The following SENP6 variants were observed in gnomAD, a reference collection of about 807,000 sequenced individuals.
The protein encoded by SENP6 is SUMO specific peptidase 6.
In SENP6, 41 loss-of-function variants were observed where a neutral mutation model predicts 134.5. The ratio of observed to expected loss-of-function variants is 0.30; its 90% CI spans 0.24 to 0.40. The LOEUF (loss-of-function observed/expected upper bound fraction) is 0.40. SENP6 is among the 10% of genes least tolerant of loss of function. The probability of loss-of-function intolerance (pLI) is 1.00; values close to 1 mark genes in which losing one functional copy is unlikely to be tolerated. For synonymous variants in SENP6, 395 were observed against 429.8 expected (o/e 0.92, Z 1.00); for missense variants, 1,248 against 1,312.5 (o/e 0.95, Z 0.76).
chr6:75,706,205 T>C (rs1227348150), intron 19 of SENP6, among the ~76,000 whole-genome samples: 1 of 151,884 alleles, frequency 6.6e-6, no homozygotes, highest in Non-Finnish European at 1.5e-5. Flanking sequence ...TGGGTGGGAA[T>C]GTAGGAAGAG....
At chr6:75,669,963 C>T (rs766609420) in intron 10 of SENP6, among the ~76,000 whole-genome samples, 6 of 151,558 alleles carry the variant, frequency 4.0e-5, no homozygotes, top group African/African-American at 1.5e-4. Context: ...GAAGGAATTT[C>T]GATCTTGTTG....
chr6:75,614,929 C>T (rs1010169320), intron 1 of SENP6, among the ~76,000 whole-genome samples: 2 of 152,016 alleles, frequency 1.3e-5, no homozygotes, highest in Non-Finnish European at 2.9e-5. Context: ...ACTTTTTTAC[C>T]CAGGCTGGAG....
At chr6:75,703,154 T>TA (rs1351575768) in intron 19 of SENP6, 82 bp downstream of exon 19, 451 of 1,187,876 alleles carry the variant, frequency 3.8e-4, no homozygotes, top group East Asian at 1.5e-3. Context: ...GATCCTGTTT[T>TA]AAAAAAAAAT....
intron 7 of SENP6, among the ~76,000 whole-genome samples, chr6:75,648,628 A>G (rs181695629): frequency 1.4e-3 from 215 of 152,288 alleles, no homozygotes; most frequent in Non-Finnish European, 2.7e-3. Context: ...AACAGTCTTT[A>G]TAGATGTGAA....
chr6:75,640,689 T>C lies in SENP6; in HGVS notation c.464T>C (p.Leu155Pro). The change falls in exon 6 of 24, where the codon CTG becomes CCG. Residue 155 changes from leucine (L) to proline (P), a missense_variant. Leu to Pro is a moderately conservative substitution (Grantham distance 98, BLOSUM62 -3). This residue lies in a region of SENP6 where 733 missense variants were observed against 725.4 expected (regional missense o/e 1.01). Coordinates refer to ENST00000447266, the MANE Select transcript of SENP6 (RefSeq NM_015571.4). The stretch of plus-strand genomic sequence containing the variant: ...TTTCTTTTTCATGTTTTAAGCAGTC[T>C]GGACCGAAAAGAAAGGTAAGCTTAA... ...PVVKTAAQSS[L>P]DRKERKEYPP... 6.5e-7 allele frequency: 1 copy of C among 1,530,718 alleles called. No homozygotes were observed. Among genetic ancestry groups the C allele is most frequent in the Non-Finnish European group, 8.8e-7 (1 of 1,132,604 alleles). 94.8% of individuals were successfully genotyped at this position (1,530,718 alleles called of 1,614,324 possible).
intron 11 of SENP6, among the ~76,000 whole-genome samples, chr6:75,671,683 C>T (rs146901155): frequency 3.0e-4 from 45 of 152,256 alleles, no homozygotes; most frequent in African/African-American, 1.0e-3. Context: ...GACGGCGCCA[C>T]TGCACTCCAG....
At chr6:75,714,974 C>T (rs550568110) in intron 23 of SENP6, among the ~76,000 whole-genome samples, 1 of 152,286 alleles carries the variant, frequency 6.6e-6, no homozygotes, top group South Asian at 2.1e-4. Flanking sequence ...AATTACCTGT[C>T]TTTCTAAACT....
chr6:75,678,553 G>A (rs947631329), intron 14 of SENP6, 30 bp from the exon 15 acceptor site: 3 of 1,077,760 alleles, frequency 2.8e-6, no homozygotes, highest in African/African-American at 3.2e-5. Flanking sequence ...CTAATTGACT[G>A]TAAATTGCTA....
At chr6:75,655,462 T>C (rs963914440) in intron 7 of SENP6, among the ~76,000 whole-genome samples, 4 of 152,214 alleles carry the variant, frequency 2.6e-5, no homozygotes, top group Non-Finnish European at 4.4e-5. Context: ...AGTTAGTCCC[T>C]ACCTCTTCCC....
chr6:75,643,537 C>T (rs1428350262), intron 6 of SENP6, among the ~76,000 whole-genome samples: 1 of 152,108 alleles, frequency 6.6e-6, no homozygotes, highest in Non-Finnish European at 1.5e-5. Flanking sequence ...AGAAATTCAA[C>T]ATGGTAAAAC....
Position 75,653,653 on chromosome 6 carries a change from A to G in SENP6, c.551-5609A>G, listed in dbSNP as rs540928904. Among the ~76,000 whole-genome samples the G allele has an allele frequency of 2.0e-3, 251 of 127,364 alleles. 1 individual carries two copies. The highest frequency in any genetic ancestry group is 6.4e-3 in the African/African-American group (233 of 36,398). 83.6% of individuals were successfully genotyped at this position (127,364 alleles called of 152,430 possible). A position where few individuals can be genotyped will look rare whatever the true frequency, so the allele number is the denominator to read the frequency against. On this transcript the variant is annotated intron_variant, in intron 7 of 23. Transcript: ENST00000447266. Reference sequence around the variant, plus strand: ...CAACATTTTTTCTCATGTTTTTGGAATGTTGTGTTTTTTTTTTTTAACTAG... The same window carrying G: ...CAACATTTTTTCTCATGTTTTTGGAGTGTTGTGTTTTTTTTTTTTAACTAG...
At chr6:75,699,443 T>C (rs1040174304) in intron 18 of SENP6, among the ~76,000 whole-genome samples, 5 of 150,514 alleles carry the variant, frequency 3.3e-5, no homozygotes, top group African/African-American at 1.2e-4. Context: ...TTGTCATCTG[T>C]TTTGTTTTTA....
intron 1 of SENP6, among the ~76,000 whole-genome samples, chr6:75,604,756 G>A (rs931323265): frequency 1.3e-5 from 2 of 151,888 alleles, no homozygotes; most frequent in African/African-American, 4.8e-5. Flanking sequence ...TGATTCTTTT[G>A]GTGTCTTACA....
chr6:75,675,963 T>C lies in SENP6; in HGVS notation c.1530T>C (p.Ile510=), dbSNP rs780347129. Residue 510 remains isoleucine, a synonymous_variant, in exon 13 of 24, where the codon ATT becomes ATC. Coordinates refer to ENST00000447266, the MANE Select transcript of SENP6 (RefSeq NM_015571.4). ...RKLPVVFLQA[I]PAVYQKLSIQ... The stretch of plus-strand genomic sequence containing the variant: ...TACCTGTAGTGTTTCTTCAAGCAAT[T>C]CCAGCAGTTTATCAAAAGCTGAGCA... 5.6e-5 allele frequency: 90 copies of C among 1,612,750 alleles called. No homozygotes were observed. Among genetic ancestry groups the C allele is most frequent in the Non-Finnish European group, 7.5e-5 (89 of 1,179,378 alleles).
Position 75,659,250 on chromosome 6 carries a change from T to C in SENP6, c.551-12T>C, listed in dbSNP as rs779729963. The C allele has an allele frequency of 6.4e-7, 1 of 1,573,036 alleles. No individual in the cohort carries two copies. The highest frequency in any genetic ancestry group is 8.6e-7 in the Non-Finnish European group (1 of 1,165,592). On this transcript the variant is annotated splice_polypyrimidine_tract_variant and intron_variant, in intron 7 of 23. Coordinates refer to ENST00000447266, the MANE Select transcript of SENP6 (RefSeq NM_015571.4). ...CTAAAACTTAAAGTTTATTTTTTTCTCCTTCCTTTAGAACGTATAATGAAG... is the reference window on the plus strand; with the variant it reads ...CTAAAACTTAAAGTTTATTTTTTTCCCCTTCCTTTAGAACGTATAATGAAG...
chr6:75,612,741 C>G (rs902885782), intron 1 of SENP6, among the ~76,000 whole-genome samples: 1 of 152,118 alleles, frequency 6.6e-6, no homozygotes, highest in Non-Finnish European at 1.5e-5. Context: ...TTTGGCAATA[C>G]CTATTGAACT....
rs201204874 is a variant in SENP6, at chr6:75,705,553, TAAATA to T, written c.2716+2484_2716+2488del. On this transcript the variant is annotated intron_variant, in intron 19 of 23. Transcript: ENST00000447266. The stretch of plus-strand genomic sequence containing the variant: ...AGCGAGACTCCATCTCAAAAATAAA[TAAATA>T]AATTAATTAATTAATTAAAAACTAG... 1.9e-3 allele frequency among the ~76,000 whole-genome samples: 296 copies of T among 151,922 alleles called. 2 individuals are homozygous for T. The highest frequency in any genetic ancestry group is 6.6e-3 in the African/African-American group (273 of 41,418).
chr6:75,638,333 A>G (rs1769689462), intron 5 of SENP6, among the ~76,000 whole-genome samples: 1 of 150,302 alleles, frequency 6.7e-6, no homozygotes, highest in Non-Finnish European at 1.5e-5. Flanking sequence ...TCCAACAAGA[A>G]TGTAAGTTGA....
intron 11 of SENP6, among the ~76,000 whole-genome samples, chr6:75,674,764 G>T (rs1772955663): frequency 6.6e-6 from 1 of 152,056 alleles, no homozygotes; most frequent in South Asian, 2.1e-4. Flanking sequence ...TTTTATATTT[G>T]CTTTCTCTTT....
Sources: allele counts gnomAD v4.1 joint callset (sites outside exome capture counted in the v4.1 genomes callset), GRCh38; gene constraint gnomAD v4.1.1; regional missense constraint gnomAD v4.1.1; transcripts MANE v1.5; gene names NCBI Gene and HGNC (gene_info 2026-07-23, HGNC 2026-07-21).